Variants in TTBK1 observed in about 807,000 individuals in gnomAD.
TTBK1 encodes the protein tau tubulin kinase 1, also known as tau-tubulin kinase 1.
In TTBK1, 34 loss-of-function variants were observed where a neutral mutation model predicts 108.5. That is an observed-to-expected ratio of 0.31 (90% CI 0.24 to 0.42). The LOEUF (loss-of-function observed/expected upper bound fraction) is 0.42. TTBK1 is among the 10% of genes least tolerant of loss of function. The pLI, the probability that TTBK1 is intolerant of heterozygous loss-of-function variation, is 1.00. For missense variants in TTBK1, 1,539 were observed against 1,826.0 expected, an observed-to-expected ratio of 0.84 and a Z score of 2.86; for synonymous variants, 809 against 795.1, an observed-to-expected ratio of 1.02 and a Z score of -0.29.
Position 43,284,256 on chromosome 6 carries a change from G to A in TTBK1, c.3516G>A (p.Gln1172=), listed in dbSNP as rs772539403. 3 of 1,594,138 alleles carry A rather than the reference G, an allele frequency of 1.9e-6. No homozygotes were observed. Among genetic ancestry groups the A allele is most frequent in the African/African-American group, 1.3e-5 (1 of 74,804 alleles). Residue 1172 remains glutamine (Q), a synonymous_variant, in exon 14 of 15, where the codon CAG becomes CAA. Coordinates refer to ENST00000259750, the MANE Select transcript of TTBK1 (RefSeq NM_032538.3). ...TGCCCATGCCTGTTGCAGCCCAGCAGCCCGCCAGCAGATCCCATGGCGCGG... is the reference window on the plus strand; with the variant it reads ...TGCCCATGCCTGTTGCAGCCCAGCAACCCGCCAGCAGATCCCATGGCGCGG... ...LRMPMPVAAQ[Q]PASRSHGAAP...
At chr6:43,267,570 C>G (rs569941390) in intron 13 of TTBK1, among the ~76,000 whole-genome samples, 2 of 152,210 alleles carry the variant, frequency 1.3e-5, no homozygotes, top group African/African-American at 4.8e-5. Context: ...GGGAGGGAAA[C>G]AGTGTGAAAG....
intron 13 of TTBK1, among the ~76,000 whole-genome samples, chr6:43,279,201 G>A (rs1301599963): frequency 6.6e-6 from 1 of 152,178 alleles, no homozygotes; most frequent in Non-Finnish European, 1.5e-5. Flanking sequence ...AGGAGAAAGG[G>A]TTCCACCTAC....
Position 43,259,195 on chromosome 6 carries a change from C to A in TTBK1, c.1174C>A (p.Pro392Thr). 6.2e-7 allele frequency: 1 copy of A among 1,604,640 alleles called. No homozygotes were observed. Among genetic ancestry groups the A allele is most frequent in the Non-Finnish European group, 8.5e-7 (1 of 1,175,920 alleles). Reference protein sequence around the residue: ...LGPSPHLVPHPGGPEAEVWEE... With the variant: ...LGPSPHLVPHTGGPEAEVWEE... ...CCCCAGTCCCCACCTTGTCCCCCACCCCGGGGGTCCTGAGGCTGAAGTCTG... is the reference window on the plus strand; with the variant it reads ...CCCCAGTCCCCACCTTGTCCCCCACACCGGGGGTCCTGAGGCTGAAGTCTG... Residue 392 changes from proline to threonine, a missense_variant, in exon 11 of 15, where the codon CCC becomes ACC. Transcript: ENST00000259750. This position sits in a 1 kb window ranked among gnomAD's most constrained non-coding sequence, Gnocchi z 6.7.
intron 13 of TTBK1, among the ~76,000 whole-genome samples, chr6:43,266,119 G>A (rs1259928717): frequency 6.6e-6 from 1 of 152,184 alleles, no homozygotes; most frequent in African/African-American, 2.4e-5. Context: ...TGAGGTGTTT[G>A]TGGGCCTCGG....
intron 12 of TTBK1, among the ~76,000 whole-genome samples, chr6:43,260,912 G>A (rs558363256): frequency 5.3e-5 from 8 of 151,930 alleles, no homozygotes; most frequent in South Asian, 4.2e-4. Context: ...CCAACCCTCC[G>A]TCTGAGCTCC....
intron 9 of TTBK1, among the ~76,000 whole-genome samples, chr6:43,256,141 CT>C (rs35194954): frequency 0.073 from 10,649 of 145,094 alleles, 480 homozygotes; most frequent in Non-Finnish European, 0.1. Context: ...TATTCCAGCT[CT>C]TTTTTTTTTT....
intron 13 of TTBK1, chr6:43,272,319 G>A (rs1177744261): frequency 6.1e-6 from 6 of 985,362 alleles, no homozygotes; most frequent in Non-Finnish European, 7.2e-6. Flanking sequence ...AGAACCCTGA[G>A]GTACTCTAAG....
intron 2 of TTBK1, among the ~76,000 whole-genome samples, chr6:43,250,513 C>T (rs557517559): frequency 1.3e-5 from 2 of 152,028 alleles, no homozygotes; most frequent in Non-Finnish European, 2.9e-5. Context: ...CCCGCCACCA[C>T]GCCCCACTAA....
At position 43,283,020 on chromosome 6, in the gene TTBK1, G is replaced by GGAAGAAGAGGATGAGGAA. The variant is rs1778224684; in HGVS notation, c.2291_2292insTGAGGAAGAAGAAGAGGA (p.Glu763_Glu764insAspGluGluGluGluGlu). 6.3e-7 allele frequency: 1 copy of GGAAGAAGAGGATGAGGAA among 1,592,448 alleles called. No individual in the cohort carries two copies. Among genetic ancestry groups the GGAAGAAGAGGATGAGGAA allele is most frequent in the African/African-American group, 1.3e-5 (1 of 74,290 alleles). On this transcript the variant is annotated inframe_insertion, in exon 14 of 15. Transcript: ENST00000259750. The surrounding 1 kb of genome is among the most constrained non-coding windows in gnomAD (Gnocchi z 8.1). ...AAGAGGAGGAAGAGGAAGAGGAGGA[G>GGAAGAAGAGGATGAGGAA]GAAGAAGAGGAGGAGGAGGAAGAGG...
chr6:43,275,799 C>A (rs1040395779), intron 13 of TTBK1, among the ~76,000 whole-genome samples: 249 of 151,966 alleles, frequency 1.6e-3, no homozygotes, highest in Middle Eastern at 0.014. Flanking sequence ...TCTTCCCACA[C>A]CCCCACCCCC....
chr6:43,268,756 T>A (rs1777745417), intron 13 of TTBK1, among the ~76,000 whole-genome samples: 1 of 152,206 alleles, frequency 6.6e-6, no homozygotes, highest in Non-Finnish European at 1.5e-5. Context: ...ACAAGCTGCC[T>A]GGTGGCTCAG....
chr6:43,269,536 G>A lies in TTBK1; in HGVS notation c.1986+6186G>A, dbSNP rs1383500707. The A allele has an allele frequency of 4.6e-6, 6 of 1,311,666 alleles. No individual in the cohort carries two copies. Among genetic ancestry groups the A allele is most frequent in the South Asian group, 1.6e-5 (1 of 63,252 alleles). 81.3% of individuals were successfully genotyped at this position (1,311,666 alleles called of 1,614,324 possible). A position where few individuals can be genotyped will look rare whatever the true frequency, so the allele number is the denominator to read the frequency against. On this transcript the variant is annotated intron_variant, in intron 13 of 14. Transcript: ENST00000259750. The surrounding 1 kb of genome is among the most constrained non-coding windows in gnomAD (Gnocchi z 4.8). ...CCTGCCTGACCCCGCCCACTTGCCC[G>A]GGACGCCGGCGCCGCAGGGGCTGTG... is the stretch of plus-strand genomic sequence containing the variant.
intron 2 of TTBK1, among the ~76,000 whole-genome samples, chr6:43,249,007 C>A (rs922049655): frequency 1.3e-5 from 2 of 152,082 alleles, no homozygotes; most frequent in African/African-American, 4.8e-5. Context: ...TTATTAATCC[C>A]ATTTCACAGG....
At position 43,285,618 on chromosome 6, in the gene TTBK1, T is replaced by G; in HGVS notation, c.*242T>G. 4 of 348,518 alleles carry G rather than the reference T, an allele frequency of 1.1e-5. No individual in the cohort carries two copies. The highest frequency in any genetic ancestry group is 4.9e-6 in the Non-Finnish European group (1 of 203,700). The allele number at this position is 348,518 out of a possible 1,614,324, so 21.6% of individuals were successfully genotyped here. ...GGTCTGCCTCCCCTTCCTCGCCCTG[T>G]GTCCTCTCATCCTCCCGCCGCCCGT... On this transcript the variant is annotated 3_prime_UTR_variant, in exon 15 of 15. Transcript: ENST00000259750. The surrounding 1 kb of genome is among the most constrained non-coding windows in gnomAD (Gnocchi z 4.7).
At position 43,282,532 on chromosome 6, in the gene TTBK1, G is replaced by A. The variant is rs1778193752; in HGVS notation, c.1987-195G>A. On this transcript the variant is annotated intron_variant, in intron 13 of 14. Transcript: ENST00000259750. The surrounding 1 kb of genome is among the most constrained non-coding windows in gnomAD (Gnocchi z 5.4). ...GAGGTTTCCTGAGCACTCACTAGGCGCCAGAGACCATTCTAGGCCCTGGGG... is the reference window on the plus strand; with the variant it reads ...GAGGTTTCCTGAGCACTCACTAGGCACCAGAGACCATTCTAGGCCCTGGGG... 2.6e-5 allele frequency among the ~76,000 whole-genome samples: 4 copies of A among 152,198 alleles called. No homozygotes were observed. The highest frequency in any genetic ancestry group is 2.1e-4 in the South Asian group (1 of 4,832).
chr6:43,252,319 C>T (rs937405250), intron 2 of TTBK1, among the ~76,000 whole-genome samples: 12 of 151,602 alleles, frequency 7.9e-5, no homozygotes, highest in African/African-American at 2.7e-4. Context: ...ACATGAGGTT[C>T]GCCCCTTCAA....
chr6:43,269,393 T>C lies in TTBK1; in HGVS notation c.1986+6043T>C, dbSNP rs773315549. Among the ~76,000 whole-genome samples the C allele has an allele frequency of 2.6e-5, 4 of 152,176 alleles. No individual in the cohort carries two copies. Among genetic ancestry groups the C allele is most frequent in the Non-Finnish European group, 5.9e-5 (4 of 68,022 alleles). ...GAGGAGGTGAGTGACCATGGTCTCC[T>C]TGCAGAGACCATAGTGTGAGAAGTT... On this transcript the variant is annotated intron_variant, in intron 13 of 14. Coordinates refer to ENST00000259750, the MANE Select transcript of TTBK1 (RefSeq NM_032538.3). This position sits in a 1 kb window ranked among gnomAD's most constrained non-coding sequence, Gnocchi z 4.8.
intron 13 of TTBK1, among the ~76,000 whole-genome samples, chr6:43,279,700 G>A (rs1180729651): frequency 1.3e-5 from 2 of 152,178 alleles, no homozygotes; most frequent in African/African-American, 4.8e-5. Context: ...CGAATATTGT[G>A]CAGAAAAAGT....
chr6:43,275,461 G>C (rs1387735713), intron 13 of TTBK1, among the ~76,000 whole-genome samples: 2 of 151,938 alleles, frequency 1.3e-5, no homozygotes, highest in African/African-American at 2.4e-5. Context: ...GGGCTGGAGT[G>C]GGGCTCCCCT....
Sources: gnomAD v4.1 joint callset for allele counts (sites outside exome capture counted in the v4.1 genomes callset) on GRCh38, gnomAD v4.1.1 for gene constraint, Gnocchi (gnomAD v3.1) non-coding constraint, MANE v1.5 for transcripts, NCBI Gene and HGNC (gene_info 2026-07-23, HGNC 2026-07-21) for gene names.